Variants in KIAA1614 observed in about 807,000 individuals in gnomAD.
The protein encoded by KIAA1614 is KIAA1614.
KIAA1614 carries 76 observed loss-of-function variants against 88.7 expected under a neutral mutation model. That is an observed-to-expected ratio of 0.86 (90% CI 0.71 to 1.04). The LOEUF (loss-of-function observed/expected upper bound fraction) is 1.04, where lower values mean the gene tolerates loss of function less well. Among genes scored for constraint, KIAA1614 ranks in the 50% least tolerant of loss-of-function variants. The probability of loss-of-function intolerance (pLI) is 0.00; values close to 1 mark genes in which losing one functional copy is unlikely to be tolerated. For missense variants in KIAA1614, 1,553 were observed against 1,582.5 expected (o/e 0.98, Z 0.32); for synonymous variants, 714 against 675.5 (o/e 1.06, Z -0.88).
chr1:180,932,309 A>T (rs1458971092), intron 4 of KIAA1614, among the ~76,000 whole-genome samples: 6 of 152,150 alleles, frequency 3.9e-5, no homozygotes, highest in Admixed American at 3.9e-4. Context: ...CCTCTCTGAA[A>T]GCAGGGCTGC....
intron 6 of KIAA1614, among the ~76,000 whole-genome samples, chr1:180,940,413 C>A (rs1831405): frequency 0.43 from 65,833 of 151,942 alleles, 14,445 homozygotes; most frequent in South Asian, 0.53. Flanking sequence ...AGGTGGGAGA[C>A]TAGCTTGAAC....
chr1:180,936,098 G>A lies in KIAA1614; in HGVS notation c.2189G>A (p.Gly730Glu). The A allele has an allele frequency of 6.2e-7, 1 of 1,614,210 alleles. No individual in the cohort carries two copies. The highest frequency in any genetic ancestry group is 8.5e-7 in the Non-Finnish European group (1 of 1,180,030). Residue 730 changes from glycine (G) to glutamate (E), a missense_variant, in exon 5 of 9, where the codon GGA (glycine) becomes GAA (glutamate). By Grantham distance (98) the Gly-to-Glu change is moderately conservative (BLOSUM62 -2). Transcript: ENST00000367588. ...CAGTGGCAGCCTGGACCAGGGCTGG[G>A]AAGTCACCAGCCTCACCCTTTGGAT... is the stretch of plus-strand genomic sequence containing the variant. ...GPQWQPGPGLGSHQPHPLDSR... is the reference protein window; with the variant it reads ...GPQWQPGPGLESHQPHPLDSR...
chr1:180,935,481 C>T lies in KIAA1614; in HGVS notation c.1572C>T (p.His524=). ...TGGGCAGCCTGGACCGCAGGGGACACCCGGCACCGCCGGCACCGGGCAGCG... is the reference window on the plus strand; with the variant it reads ...TGGGCAGCCTGGACCGCAGGGGACATCCGGCACCGCCGGCACCGGGCAGCG... ...RLVGSLDRRG[H]PAPPAPGSER... Residue 524 remains histidine (H), a synonymous_variant, in exon 5 of 9, where the codon CAC becomes CAT. Coordinates refer to ENST00000367588, the MANE Select transcript of KIAA1614 (RefSeq NM_020950.2). This position sits in a 1 kb window ranked among gnomAD's most constrained non-coding sequence, Gnocchi z 6.1. The T allele has an allele frequency of 6.7e-7, 1 of 1,481,982 alleles. No individual in the cohort carries two copies. The allele number at this position is 1,481,982 out of a possible 1,614,324, so 91.8% of individuals were successfully genotyped here.
chr1:180,944,703 C>A, intron 8 of KIAA1614, 187 bp downstream of exon 8: 1 of 550,444 alleles, frequency 1.8e-6, no homozygotes, highest in Non-Finnish European at 3.0e-6. Context: ...CCTGCATGGA[C>A]CCTCGGTGCA....
chr1:180,936,067 G>C lies in KIAA1614; in HGVS notation c.2158G>C (p.Gly720Arg). The C allele has an allele frequency of 6.2e-7, 1 of 1,614,056 alleles. No individual in the cohort carries two copies. Among genetic ancestry groups the C allele is most frequent in the Non-Finnish European group, 8.5e-7 (1 of 1,179,982 alleles). ...PDLELKRVSL[G>R]PQWQPGPGLG... is the part of the protein sequence containing the mutation. ...CCTGGAGTTGAAGCGGGTGTCCCTGGGACCCCAGTGGCAGCCTGGACCAGG... is the reference window on the plus strand; with the variant it reads ...CCTGGAGTTGAAGCGGGTGTCCCTGCGACCCCAGTGGCAGCCTGGACCAGG... The change falls in exon 5 of 9, where the codon GGA becomes CGA. Residue 720 changes from glycine (G) to arginine (R), a missense_variant. Gly to Arg is a moderately radical substitution (Grantham distance 125). Transcript: ENST00000367588.
Position 180,916,277 on chromosome 1 carries a change from A to G in KIAA1614, c.174A>G (p.Glu58=), listed in dbSNP as rs1653794669. The G allele has an allele frequency of 6.2e-7, 1 of 1,613,906 alleles. No individual in the cohort carries two copies. Among genetic ancestry groups the G allele is most frequent in the Non-Finnish European group, 8.5e-7 (1 of 1,179,964 alleles). The change falls in exon 2 of 9, where the codon GAA becomes GAG. Residue 58 remains glutamate, a synonymous_variant. Transcript: ENST00000367588. ...HPPRPWPCPQ[E]NRTSSLMAPQ... Reference sequence around the variant, plus strand: ...CAAGACCCTGGCCTTGCCCTCAGGAAAACAGAACATCCAGCCTGATGGCCC... The same window carrying G: ...CAAGACCCTGGCCTTGCCCTCAGGAGAACAGAACATCCAGCCTGATGGCCC...
intron 5 of KIAA1614, among the ~76,000 whole-genome samples, chr1:180,938,326 T>G (rs1355434460): frequency 6.6e-6 from 1 of 152,220 alleles, no homozygotes; most frequent in Non-Finnish European, 1.5e-5. Flanking sequence ...GTCCCTGTCC[T>G]CAAATAGTTT....
intron 4 of KIAA1614, 98 bp downstream of exon 4, chr1:180,928,671 G>C: frequency 8.7e-7 from 1 of 1,144,440 alleles, no homozygotes; most frequent in Non-Finnish European, 1.2e-6. Context: ...GCTGCTGCTC[G>C]CTCCATGTGT....
intron 7 of KIAA1614, among the ~76,000 whole-genome samples, chr1:180,941,737 C>A (rs1349088807): frequency 6.6e-6 from 1 of 152,196 alleles, no homozygotes; most frequent in Non-Finnish European, 1.5e-5. Context: ...CAAATCCGAC[C>A]ACGCCACCCC....
intron 3 of KIAA1614, among the ~76,000 whole-genome samples, chr1:180,919,268 T>C (rs1218928633): frequency 6.6e-6 from 1 of 152,142 alleles, no homozygotes; most frequent in Non-Finnish European, 1.5e-5. Flanking sequence ...GATGTCTGGC[T>C]CCTTCATCCT....
chr1:180,916,444 A>G lies in KIAA1614; in HGVS notation c.341A>G (p.Lys114Arg). ...GCTTCCCAAGAGTGGTCATCCCCCA[A>G]GAAACCCCAATGCAGACGAGGCAAG... ...CSASQEWSSP[K>R]KPQCRRGKAG... is the part of the protein sequence containing the mutation. Residue 114 changes from lysine (K) to arginine (R), a missense_variant, in exon 2 of 9, where the codon AAG becomes AGG. Lys to Arg is a conservative substitution (Grantham distance 26, BLOSUM62 2). Coordinates refer to ENST00000367588, the MANE Select transcript of KIAA1614 (RefSeq NM_020950.2). 2 of 1,614,234 alleles carry G rather than the reference A, an allele frequency of 1.2e-6. No individual in the cohort carries two copies. Among genetic ancestry groups the G allele is most frequent in the South Asian group, 1.1e-5 (1 of 91,086 alleles).
chr1:180,924,407 C>T lies in KIAA1614; in HGVS notation c.1062-4023C>T, dbSNP rs577397804. On this transcript the variant is annotated intron_variant, in intron 3 of 8. Transcript: ENST00000367588. ...CAGCCCAAAGCCTCCTTCTGGGGCTCAGCAGGGAATCTGTTCATCTTCAGG... is the reference window on the plus strand; with the variant it reads ...CAGCCCAAAGCCTCCTTCTGGGGCTTAGCAGGGAATCTGTTCATCTTCAGG... 5.6e-4 allele frequency among the ~76,000 whole-genome samples: 86 copies of T among 152,372 alleles called. 1 individual carries two copies. The highest frequency in any genetic ancestry group is 3.7e-4 in the Non-Finnish European group (25 of 68,034).
At position 180,913,167 on chromosome 1, in the gene KIAA1614, GC is replaced by G. The variant is rs1277867516; in HGVS notation, c.-76del. 3.5e-6 allele frequency: 4 copies of G among 1,139,480 alleles called. No homozygotes were observed. Among genetic ancestry groups the G allele is most frequent in the Non-Finnish European group, 4.5e-6 (4 of 893,530 alleles). The allele number at this position is 1,139,480 out of a possible 1,614,324, so 70.6% of individuals were successfully genotyped here. ...CACTCCCTCCGGCCCCGGATTCGGGGCTGGAAGTCCCTCCCCGAACCCAGCA... is the reference window on the plus strand; with the variant it reads ...CACTCCCTCCGGCCCCGGATTCGGGGTGGAAGTCCCTCCCCGAACCCAGCA... On this transcript the variant is annotated 5_prime_UTR_variant, in exon 1 of 9. Transcript: ENST00000367588.
chr1:180,945,735 G>A lies in KIAA1614; in HGVS notation c.*147G>A. On this transcript the variant is annotated 3_prime_UTR_variant, in exon 9 of 9. Transcript: ENST00000367588. ...GGCAACTGCAGCTGAGAGTGCGTTG[G>A]TGGGGAGTGTGCGGGAGGGGGTAGA... 4 of 1,389,288 alleles carry A rather than the reference G, an allele frequency of 2.9e-6. No homozygotes were observed. Among genetic ancestry groups the A allele is most frequent in the Non-Finnish European group, 3.7e-6 (4 of 1,082,596 alleles). 86.1% of individuals were successfully genotyped at this position (1,389,288 alleles called of 1,614,324 possible). A position where few individuals can be genotyped will look rare whatever the true frequency, so the allele number is the denominator to read the frequency against.
intron 3 of KIAA1614, among the ~76,000 whole-genome samples, chr1:180,920,089 C>T (rs1449821768): frequency 6.6e-6 from 1 of 152,194 alleles, no homozygotes; most frequent in Non-Finnish European, 1.5e-5. Context: ...TGGCGCTCTG[C>T]AGTGAGGTCC....
chr1:180,928,407 C>T, intron 3 of KIAA1614, 23 bp from the exon 4 acceptor site: 1 of 1,568,958 alleles, frequency 6.4e-7, no homozygotes, highest in Non-Finnish European at 8.7e-7. Flanking sequence ...CCCCACCACC[C>T]TGGCCTGTGT....
At chr1:180,936,891 G>A (rs1450986504) in intron 5 of KIAA1614, among the ~76,000 whole-genome samples, 2 of 152,174 alleles carry the variant, frequency 1.3e-5, no homozygotes, top group African/African-American at 4.8e-5. Flanking sequence ...CGGCCTGGAG[G>A]CAGACTAAGC....
At chr1:180,934,483 G>T (rs565608115) in intron 4 of KIAA1614, among the ~76,000 whole-genome samples, 1 of 151,960 alleles carries the variant, frequency 6.6e-6, no homozygotes, top group African/African-American at 2.4e-5. Context: ...CCAGCTACTT[G>T]GGAAGCTGAG....
intron 3 of KIAA1614, among the ~76,000 whole-genome samples, chr1:180,927,096 T>C (rs1361922938): frequency 6.6e-6 from 1 of 152,126 alleles, no homozygotes; most frequent in Non-Finnish European, 1.5e-5. Flanking sequence ...TGTCCAAGGA[T>C]GTCCAAGGAA....
Sources: allele counts gnomAD v4.1 joint callset (sites outside exome capture counted in the v4.1 genomes callset), GRCh38; gene constraint gnomAD v4.1.1; non-coding constraint Gnocchi (gnomAD v3.1); transcripts MANE v1.5; gene names NCBI Gene and HGNC (gene_info 2026-07-23, HGNC 2026-07-21).